The following SEMA5A variants were observed in gnomAD, a reference collection of about 807,000 sequenced individuals.
SEMA5A encodes the protein semaphorin-5A.
SEMA5A carries 55 observed loss-of-function variants against 135.5 expected under a neutral mutation model. The ratio of observed to expected loss-of-function variants is 0.41; its 90% CI spans 0.33 to 0.51. The LOEUF is 0.51. SEMA5A is among the 20% of genes least tolerant of loss of function. The pLI, the probability that SEMA5A is intolerant of heterozygous loss-of-function variation, is 0.37. For synonymous variants in SEMA5A, 580 were observed against 546.5 expected (o/e 1.06, Z -0.85); for missense variants, 1,290 against 1,419.9 (o/e 0.91, Z 1.47).
intron 4 of SEMA5A, among the ~76,000 whole-genome samples, chr5:9,323,334 C>T (rs1200685848): frequency 6.6e-6 from 1 of 152,120 alleles, no homozygotes; most frequent in East Asian, 1.9e-4. Context: ...AAGTGTTTTT[C>T]ATGTGTTATT....
intron 16 of SEMA5A, among the ~76,000 whole-genome samples, chr5:9,068,191 T>C (rs1002367518): frequency 6.6e-6 from 1 of 152,238 alleles, no homozygotes; most frequent in African/African-American, 2.4e-5. Flanking sequence ...TCTTCTGTGA[T>C]CTGAACAGTC....
At chr5:9,156,824 T>C (rs1359712513) in intron 11 of SEMA5A, among the ~76,000 whole-genome samples, 1 of 152,252 alleles carries the variant, frequency 6.6e-6, no homozygotes, top group Non-Finnish European at 1.5e-5. Flanking sequence ...CTGAGAAACC[T>C]GCCCAAATTA....
intron 1 of SEMA5A, among the ~76,000 whole-genome samples, chr5:9,480,138 C>T (rs1381885591): frequency 1.3e-5 from 2 of 152,158 alleles, no homozygotes; most frequent in Non-Finnish European, 2.9e-5. Flanking sequence ...ACGAATAGCA[C>T]ACACACAAGG....
chr5:9,121,076 C>A (rs1016991441), intron 14 of SEMA5A, among the ~76,000 whole-genome samples: 28 of 152,144 alleles, frequency 1.8e-4, no homozygotes, highest in African/African-American at 6.7e-4. Context: ...CCATGCCAGG[C>A]CACAAATGTG....
chr5:9,066,423 T>G lies in SEMA5A; in HGVS notation c.2297A>C (p.Asp766Ala). ...GTCCCCACGGAATCACTACTCACCA[T>G]CTGTGGAGCAGCCACTGGTGCCGTC... ...SSDGTSGCSTDGLSGDFLRAG... is the reference protein window; with the variant it reads ...SSDGTSGCSTAGLSGDFLRAG... The change falls in exon 17 of 23, where the codon GAT becomes GCT. Residue 766 changes from aspartate (D) to alanine (A), a missense_variant and splice_region_variant. By Grantham distance (126) the Asp-to-Ala change is moderately radical (BLOSUM62 -2). Transcript: ENST00000382496. 6.2e-7 allele frequency: 1 copy of G among 1,614,100 alleles called. No homozygotes were observed. Among genetic ancestry groups the G allele is most frequent in the Non-Finnish European group, 8.5e-7 (1 of 1,179,916 alleles).
At chr5:9,320,706 A>C (rs938335537) in intron 4 of SEMA5A, among the ~76,000 whole-genome samples, 36 of 152,154 alleles carry the variant, frequency 2.4e-4, no homozygotes, top group African/African-American at 8.7e-4. Flanking sequence ...TGACAGAGAG[A>C]GATCCTGTCT....
intron 12 of SEMA5A, among the ~76,000 whole-genome samples, chr5:9,144,770 C>T (rs1462834512): frequency 1.3e-5 from 2 of 152,186 alleles, no homozygotes; most frequent in Admixed American, 6.5e-5. Flanking sequence ...TGGATGAGGC[C>T]ATGCTGACAT....
At chr5:9,124,687 C>G (rs1741010428) in intron 13 of SEMA5A, among the ~76,000 whole-genome samples, 2 of 152,136 alleles carry the variant, frequency 1.3e-5, no homozygotes, top group Non-Finnish European at 1.5e-5. Context: ...AACTACTGAC[C>G]TCAAATGATC....
rs981887571 is a variant in SEMA5A at position 9,057,779 on chromosome 5, TAGTCTGCAA to T, written c.2519-3531_2519-3523del. On this transcript the variant is annotated intron_variant, in intron 18 of 22. Transcript: ENST00000382496. ...TTCCTTACTCTGTCCGGAAGTTGCTTAGTCTGCAATTGCCCTATGTCCCCAGACCAATTC... is the reference window on the plus strand; with the variant it reads ...TTCCTTACTCTGTCCGGAAGTTGCTTTTGCCCTATGTCCCCAGACCAATTC... Among the ~76,000 whole-genome samples, 14 of 152,210 alleles carry T rather than the reference TAGTCTGCAA, an allele frequency of 9.2e-5. 1 individual carries two copies. Among genetic ancestry groups the T allele is most frequent in the Admixed American group, 8.5e-4 (13 of 15,286 alleles).
intron 8 of SEMA5A, among the ~76,000 whole-genome samples, chr5:9,216,414 C>A (rs1561031772): frequency 6.6e-6 from 1 of 152,018 alleles, no homozygotes; most frequent in Non-Finnish European, 1.5e-5. Flanking sequence ...ATTATGTGGT[C>A]AATTTTAAAG....
At chr5:9,320,107 C>G (rs931887081) in intron 4 of SEMA5A, among the ~76,000 whole-genome samples, 2 of 152,184 alleles carry the variant, frequency 1.3e-5, no homozygotes, top group African/African-American at 4.8e-5. Flanking sequence ...AGTTTGCCTC[C>G]TCACATGGGG....
At chr5:9,470,957 G>A (rs985446627) in intron 1 of SEMA5A, among the ~76,000 whole-genome samples, 38 of 152,148 alleles carry the variant, frequency 2.5e-4, no homozygotes, top group Admixed American at 1.4e-3. Context: ...TGGAAAAAGC[G>A]ATCCTAGTTA....
chr5:9,295,764 T>C (rs937333043), intron 5 of SEMA5A, among the ~76,000 whole-genome samples: 2 of 152,182 alleles, frequency 1.3e-5, no homozygotes, highest in Non-Finnish European at 2.9e-5. Flanking sequence ...TGCTGAGCTC[T>C]TACCATAAAG....
At chr5:9,310,846 T>A (rs996781777) in intron 5 of SEMA5A, among the ~76,000 whole-genome samples, 6 of 149,184 alleles carry the variant, frequency 4.0e-5, no homozygotes, top group African/African-American at 1.5e-4. Flanking sequence ...TGTATATATA[T>A]ACACACAATA....
At chr5:9,062,805 G>A in intron 18 of SEMA5A, 82 bp downstream of exon 18, 4 of 1,389,676 alleles carry the variant, frequency 2.9e-6, no homozygotes, top group Non-Finnish European at 2.0e-6. Context: ...AAGCCAGGGA[G>A]CTGCGTGAGG....
chr5:9,289,674 A>T (rs967491449), intron 5 of SEMA5A, among the ~76,000 whole-genome samples: 3 of 152,162 alleles, frequency 2.0e-5, no homozygotes, highest in African/African-American at 4.8e-5. Flanking sequence ...AAAATAAAAA[A>T]AAAAAAATCC....
intron 5 of SEMA5A, among the ~76,000 whole-genome samples, chr5:9,280,179 C>A (rs1316280154): frequency 2.0e-5 from 3 of 152,132 alleles, no homozygotes; most frequent in African/African-American, 7.2e-5. Flanking sequence ...ACTGACAGAT[C>A]CAGGATCCCT....
intron 5 of SEMA5A, among the ~76,000 whole-genome samples, chr5:9,250,151 T>C (rs1343725455): frequency 6.6e-6 from 1 of 151,918 alleles, no homozygotes; most frequent in Non-Finnish European, 1.5e-5. Flanking sequence ...GATGTAGAGG[T>C]CATTGCAGGC....
intron 5 of SEMA5A, among the ~76,000 whole-genome samples, chr5:9,307,506 T>C (rs2150632273): frequency 6.6e-6 from 1 of 152,210 alleles, no homozygotes; most frequent in South Asian, 2.1e-4. Context: ...TTTTCATTTA[T>C]GTTTCTCCTT....
Sources: allele counts gnomAD v4.1 joint callset (sites outside exome capture counted in the v4.1 genomes callset), GRCh38; gene constraint gnomAD v4.1.1; transcripts MANE v1.5; gene names NCBI Gene and HGNC (gene_info 2026-07-23, HGNC 2026-07-21).